Variants in PAQR5 observed in about 807,000 individuals in gnomAD.
PAQR5 encodes progestin and adipoQ receptor family member 5, also known as membrane progestin receptor gamma.
PAQR5 carries 20 observed loss-of-function variants against 34.5 expected under a neutral mutation model. The ratio of observed to expected loss-of-function variants is 0.58; its 90% CI spans 0.41 to 0.84. PAQR5 has a LOEUF of 0.84. Among genes scored for constraint, PAQR5 ranks in the 40% least tolerant of loss-of-function variants. PAQR5 has a pLI of 0.00. For synonymous variants in PAQR5, 131 were observed against 155.6 expected, an observed-to-expected ratio of 0.84 and a Z score of 1.18; for missense variants, 378 against 412.7, an observed-to-expected ratio of 0.92 and a Z score of 0.73.
rs2056752824 is a variant in PAQR5 at position 69,406,592 on chromosome 15, GAT to G, written c.*2771_*2772del. ...GAATGAATGAATGAATCTGTGGCTG[GAT>G]GCAGTGGCTCATGCCTGTAATCCCA... is the stretch of plus-strand genomic sequence containing the variant. On this transcript the variant is annotated 3_prime_UTR_variant, in exon 9 of 9. Transcript: ENST00000395407. 6.6e-6 allele frequency: 1 copy of G among 152,326 alleles called. No individual in the cohort carries two copies. The highest frequency in any genetic ancestry group is 6.5e-5 in the Admixed American group (1 of 15,276). 9.4% of individuals were successfully genotyped at this position (152,326 alleles called of 1,614,324 possible). A position where few individuals can be genotyped will look rare whatever the true frequency, so the allele number is the denominator to read the frequency against.
In PAQR5 at chr15:69,363,564, T is replaced by G. The variant is rs2055303797; in HGVS notation, c.51+3433T>G. On this transcript the variant is annotated intron_variant, in intron 3 of 8. Transcript: ENST00000395407. ...TTTTGTTTTTGTTTTTTTTTTTTTTTGAGACAGAGTCTTGCTCTGTCACCC... is the reference window on the plus strand; with the variant it reads ...TTTTGTTTTTGTTTTTTTTTTTTTTGGAGACAGAGTCTTGCTCTGTCACCC... Among the ~76,000 whole-genome samples, 13 of 112,362 alleles carry G rather than the reference T, an allele frequency of 1.2e-4. 2 individuals carry two copies. In the South Asian group the frequency reaches 4.0e-3, roughly 34 times the overall value. 73.7% of individuals were successfully genotyped at this position (112,362 alleles called of 152,430 possible). A position where few individuals can be genotyped will look rare whatever the true frequency, so the allele number is the denominator to read the frequency against.
At chr15:69,321,365 T>C (rs2054092231) in intron 1 of PAQR5, among the ~76,000 whole-genome samples, 1 of 152,252 alleles carries the variant, frequency 6.6e-6, no homozygotes, top group Non-Finnish European at 1.5e-5. Context: ...GGCCGTTTTT[T>C]ATCTATACTC....
At chr15:69,336,768 G>T (rs1172366725) in intron 1 of PAQR5, among the ~76,000 whole-genome samples, 3 of 152,168 alleles carry the variant, frequency 2.0e-5, no homozygotes, top group Non-Finnish European at 2.9e-5. Flanking sequence ...TCTTTGGACT[G>T]TATTTGTATA....
intron 3 of PAQR5, among the ~76,000 whole-genome samples, chr15:69,373,220 G>T (rs1037385136): frequency 6.6e-6 from 1 of 152,046 alleles, no homozygotes; most frequent in Non-Finnish European, 1.5e-5. Flanking sequence ...CCTATTTTAA[G>T]GTCAGTGGAT....
intron 1 of PAQR5, among the ~76,000 whole-genome samples, chr15:69,334,779 A>G (rs2054472572): frequency 1.3e-5 from 1 of 79,016 alleles, no homozygotes; most frequent in Non-Finnish European, 3.7e-5. Flanking sequence ...GTTAAAGGGA[A>G]TGTAATTTTG....
At chr15:69,318,074 G>T (rs2053995444) in intron 1 of PAQR5, among the ~76,000 whole-genome samples, 1 of 152,162 alleles carries the variant, frequency 6.6e-6, no homozygotes, top group Non-Finnish European at 1.5e-5. Context: ...CCATACATCG[G>T]GCAATGTTTC....
intron 2 of PAQR5, among the ~76,000 whole-genome samples, chr15:69,358,691 G>C (rs954174756): frequency 1.4e-5 from 2 of 143,170 alleles, no homozygotes; most frequent in African/African-American, 5.3e-5. Flanking sequence ...GAGTGCAGTG[G>C]CATGATCATG....
Position 69,389,645 on chromosome 15 carries a change from C to A in PAQR5, c.386-9C>A, listed in dbSNP as rs1302917479. The A allele has an allele frequency of 1.2e-6, 2 of 1,614,118 alleles. No individual in the cohort carries two copies. Among genetic ancestry groups the A allele is most frequent in the Non-Finnish European group, 1.7e-6 (2 of 1,179,980 alleles). On this transcript the variant is annotated splice_polypyrimidine_tract_variant and intron_variant, in intron 5 of 8. Coordinates refer to ENST00000395407, the MANE Select transcript of PAQR5 (RefSeq NM_017705.4). ...GGCTCCTCTCCCAAGGCTGGCTTTT[C>A]TTCCCCAGGCTCAGCCATTGCCTAC...
At chr15:69,373,795 G>A (rs1054318609) in intron 3 of PAQR5, among the ~76,000 whole-genome samples, 1 of 152,078 alleles carries the variant, frequency 6.6e-6, no homozygotes, top group African/African-American at 2.4e-5. Context: ...GTAGAGATGA[G>A]GTTTCACTAT....
intron 3 of PAQR5, among the ~76,000 whole-genome samples, chr15:69,360,722 C>G (rs1047337100): frequency 2.6e-5 from 4 of 152,218 alleles, no homozygotes; most frequent in Non-Finnish European, 5.9e-5. Context: ...AACTGGTGCA[C>G]TTCCTCCTTC....
At chr15:69,324,791 G>T (rs1174921877) in intron 1 of PAQR5, among the ~76,000 whole-genome samples, 2 of 152,034 alleles carry the variant, frequency 1.3e-5, no homozygotes, top group Non-Finnish European at 2.9e-5. Context: ...TCCTCGAATG[G>T]CACGCCCTCT....
chr15:69,392,508 C>T (rs746518639), intron 6 of PAQR5, among the ~76,000 whole-genome samples: 1 of 152,112 alleles, frequency 6.6e-6, no homozygotes, highest in African/African-American at 2.4e-5. Flanking sequence ...ATCTACACAC[C>T]CGCCCACCCA....
intron 8 of PAQR5, among the ~76,000 whole-genome samples, chr15:69,401,881 T>C (rs2056639128): frequency 6.6e-6 from 1 of 152,106 alleles, no homozygotes; most frequent in African/African-American, 2.4e-5. Context: ...CTGAGATAGG[T>C]CCTGGGGGTG....
chr15:69,339,646 A>G (rs1231584069), intron 2 of PAQR5, among the ~76,000 whole-genome samples: 1 of 151,888 alleles, frequency 6.6e-6, no homozygotes, highest in African/African-American at 2.4e-5. Context: ...CAATTTTTGT[A>G]TTTTTTATTA....
chr15:69,404,267 G>A lies in PAQR5; in HGVS notation c.*445G>A, dbSNP rs138232703. 1,045 of 166,528 alleles carry A rather than the reference G, an allele frequency of 6.3e-3. 5 individuals are homozygous for A. Among genetic ancestry groups the A allele is most frequent in the Middle Eastern group, 0.03 (10 of 332 alleles). The allele number at this position is 166,528 out of a possible 1,614,324, so 10.3% of individuals were successfully genotyped here. ...CACTTTCGGAGAATGAGCCAGGTCAGTCACTGGGAGGACCTGTGAAAGAAA... is the reference window on the plus strand; with the variant it reads ...CACTTTCGGAGAATGAGCCAGGTCAATCACTGGGAGGACCTGTGAAAGAAA... On this transcript the variant is annotated 3_prime_UTR_variant, in exon 9 of 9. Coordinates refer to ENST00000395407, the MANE Select transcript of PAQR5 (RefSeq NM_017705.4).
chr15:69,337,122 A>G (rs1377578454), intron 1 of PAQR5, among the ~76,000 whole-genome samples: 3 of 152,186 alleles, frequency 2.0e-5, no homozygotes, highest in Non-Finnish European at 4.4e-5. Context: ...AAACATTGCT[A>G]ATCCTTTTGT....
chr15:69,400,641 C>T (rs1055445924), intron 8 of PAQR5, among the ~76,000 whole-genome samples: 1 of 152,124 alleles, frequency 6.6e-6, no homozygotes, highest in African/African-American at 2.4e-5. Flanking sequence ...TGATCATGCA[C>T]TGCACTCTAG....
At chr15:69,335,542 GTTTTTTTTT>G (rs56712868) in intron 1 of PAQR5, among the ~76,000 whole-genome samples, 2 of 61,104 alleles carry the variant, frequency 3.3e-5, no homozygotes, top group Admixed American at 2.6e-4. Flanking sequence ...ACCGCATCCA[GTTTTTTTTT>G]TTTTTTTTTT....
intron 6 of PAQR5, among the ~76,000 whole-genome samples, chr15:69,395,124 G>C (rs936081666): frequency 6.6e-6 from 1 of 152,220 alleles, no homozygotes; most frequent in African/African-American, 2.4e-5. Flanking sequence ...GGCGGTGGCA[G>C]GGCACAGGGC....
Sources: gnomAD v4.1 joint callset for allele counts (sites outside exome capture counted in the v4.1 genomes callset) on GRCh38, gnomAD v4.1.1 for gene constraint, MANE v1.5 for transcripts, NCBI Gene and HGNC (gene_info 2026-07-23, HGNC 2026-07-21) for gene names.